The following FMN2 variants were observed in gnomAD, a reference collection of about 807,000 sequenced individuals.
FMN2 encodes the protein formin 2, also known as formin-2.
Under a neutral mutation model 142.3 loss-of-function variants are expected in FMN2, and 51 were observed. The ratio of observed to expected loss-of-function variants is 0.36; its 90% CI spans 0.29 to 0.45. The LOEUF (loss-of-function observed/expected upper bound fraction) is 0.45. Ranked by LOEUF, FMN2 falls within the 20% of genes least tolerant of loss-of-function variation. The pLI is 1.00. For synonymous variants in FMN2, 882 were observed against 869.8 expected, an observed-to-expected ratio of 1.01 and a Z score of -0.25; for missense variants, 1,936 against 2,122.8, an observed-to-expected ratio of 0.91 and a Z score of 1.73.
chr1:240,372,277 G>A (rs1672894109), intron 14 of FMN2, among the ~76,000 whole-genome samples: 1 of 152,074 alleles, frequency 6.6e-6, no homozygotes, highest in Admixed American at 6.6e-5. Flanking sequence ...AACTCATATG[G>A]CAAATGGTCT....
intron 16 of FMN2, among the ~76,000 whole-genome samples, chr1:240,447,242 G>T (rs948134346): frequency 6.6e-6 from 1 of 152,176 alleles, no homozygotes; most frequent in Non-Finnish European, 1.5e-5. Flanking sequence ...GTGAAAGCAT[G>T]TGCTGGGTCT....
chr1:240,139,722 G>C (rs1663099337), intron 2 of FMN2, among the ~76,000 whole-genome samples: 2 of 152,202 alleles, frequency 1.3e-5, no homozygotes, highest in Admixed American at 6.5e-5. Flanking sequence ...ATTTCAGCAG[G>C]CTGAGGTTTG....
intron 8 of FMN2, among the ~76,000 whole-genome samples, chr1:240,298,510 T>C (rs1280892149): frequency 6.6e-6 from 1 of 152,202 alleles, no homozygotes; most frequent in Non-Finnish European, 1.5e-5. Context: ...AGTACCATTC[T>C]GTGGCCTGTT....
chr1:240,215,629 G>C (rs949917523), intron 6 of FMN2, among the ~76,000 whole-genome samples: 1 of 152,156 alleles, frequency 6.6e-6, no homozygotes, highest in African/African-American at 2.4e-5. Flanking sequence ...TTTCATATAT[G>C]TTTGGTATTT....
intron 1 of FMN2, among the ~76,000 whole-genome samples, chr1:240,106,007 C>A (rs1240590299): frequency 6.6e-6 from 1 of 151,998 alleles, no homozygotes; most frequent in Non-Finnish European, 1.5e-5. Context: ...TTCCTAAAAC[C>A]CAGAAACATT....
intron 1 of FMN2, among the ~76,000 whole-genome samples, chr1:240,121,616 C>G (rs1231940972): frequency 6.6e-6 from 1 of 150,830 alleles, no homozygotes; most frequent in Non-Finnish European, 1.5e-5. Flanking sequence ...GTCTTGATCT[C>G]CTGACCTCGT....
chr1:240,355,951 CA>C (rs58002724), intron 14 of FMN2, 43 bp downstream of exon 14: 200 of 252,696 alleles, frequency 7.9e-4, no homozygotes, highest in Non-Finnish European at 9.5e-4. Flanking sequence ...CCCCTTTCAG[CA>C]AAAAAAAAAA....
At chr1:240,185,048 C>G (rs1440089966) in intron 3 of FMN2, among the ~76,000 whole-genome samples, 10 of 150,102 alleles carry the variant, frequency 6.7e-5, no homozygotes, top group African/African-American at 2.2e-4. Context: ...TTCTCTTTCT[C>G]CCTCCTATAC....
At chr1:240,268,331 T>C (rs988947391) in intron 7 of FMN2, among the ~76,000 whole-genome samples, 1 of 152,092 alleles carries the variant, frequency 6.6e-6, no homozygotes, top group Non-Finnish European at 1.5e-5. Flanking sequence ...TTTCTGATTT[T>C]TGAGTACAGA....
chr1:240,434,852 G>A (rs984923235), intron 15 of FMN2, among the ~76,000 whole-genome samples: 9 of 141,996 alleles, frequency 6.3e-5, no homozygotes, highest in Non-Finnish European at 1.3e-4. Context: ...ATTACAGGCT[G>A]CTTGTTTTTT....
intron 5 of FMN2, among the ~76,000 whole-genome samples, chr1:240,209,732 G>C (rs1157759047): frequency 6.6e-6 from 1 of 150,780 alleles, no homozygotes; most frequent in Non-Finnish European, 1.5e-5. Context: ...GTGAAACCTC[G>C]TCTCTACTAA....
intron 15 of FMN2, among the ~76,000 whole-genome samples, chr1:240,437,510 G>A (rs1232665032): frequency 6.6e-6 from 1 of 151,900 alleles, no homozygotes; most frequent in Non-Finnish European, 1.5e-5. Context: ...CACCGTGTTA[G>A]CCAGGATGGT....
At chr1:240,195,606 G>A (rs1056059881) in intron 4 of FMN2, among the ~76,000 whole-genome samples, 4 of 152,174 alleles carry the variant, frequency 2.6e-5, no homozygotes, top group Non-Finnish European at 1.5e-5. Flanking sequence ...GGGCTTGCAG[G>A]AATCTAAACC....
At chr1:240,104,653 T>C (rs931765985) in intron 1 of FMN2, among the ~76,000 whole-genome samples, 1 of 152,236 alleles carries the variant, frequency 6.6e-6, no homozygotes, top group African/African-American at 2.4e-5. Context: ...GACCTCATTC[T>C]GTTTCTTAAA....
chr1:240,111,306 T>C (rs549740088), intron 1 of FMN2, among the ~76,000 whole-genome samples: 1 of 152,278 alleles, frequency 6.6e-6, no homozygotes, highest in South Asian at 2.1e-4. Flanking sequence ...TCTTGGATCT[T>C]GTACGAGAAA....
At chr1:240,105,855 CT>C (rs562729194) in intron 1 of FMN2, among the ~76,000 whole-genome samples, 4 of 151,678 alleles carry the variant, frequency 2.6e-5, no homozygotes, top group South Asian at 2.1e-4. Flanking sequence ...AAAGGTAGTG[CT>C]TTTTTTTACA....
chr1:240,295,666 G>C (rs1455822850), intron 8 of FMN2, among the ~76,000 whole-genome samples: 2 of 152,118 alleles, frequency 1.3e-5, no homozygotes, highest in Non-Finnish European at 2.9e-5. Flanking sequence ...CCATTCATCT[G>C]TTGATGGACA....
chr1:240,199,843 A>G (rs1666061766), intron 4 of FMN2, among the ~76,000 whole-genome samples: 1 of 152,212 alleles, frequency 6.6e-6, no homozygotes, highest in African/African-American at 2.4e-5. Context: ...CATCCATTAT[A>G]TAGGTTCTGT....
intron 15 of FMN2, among the ~76,000 whole-genome samples, chr1:240,401,447 A>G (rs1673987430): frequency 6.6e-6 from 1 of 152,170 alleles, no homozygotes; most frequent in South Asian, 2.1e-4. Context: ...TACACGGGGA[A>G]GTTTCATTTC....
Sources: gnomAD v4.1 joint callset for allele counts (sites outside exome capture counted in the v4.1 genomes callset) on GRCh38, gnomAD v4.1.1 for gene constraint, MANE v1.5 for transcripts, NCBI Gene and HGNC (gene_info 2026-07-23, HGNC 2026-07-21) for gene names.